CPQ: variants seen among roughly 807,000 people sequenced by gnomAD.
The protein encoded by CPQ is Ser-Met dipeptidase.
In CPQ, 37 loss-of-function variants were observed where a neutral mutation model predicts 45.7. The ratio of observed to expected loss-of-function variants is 0.81; its 90% CI spans 0.62 to 1.07. The LOEUF is 1.07. Ranked by LOEUF, CPQ falls within the 50% of genes least tolerant of loss-of-function variation. The pLI is 0.00. For missense variants in CPQ, 537 were observed against 572.9 expected (o/e 0.94, Z 0.64); for synonymous variants, 186 against 205.8 (o/e 0.90, Z 0.82).
intron 5 of CPQ, among the ~76,000 whole-genome samples, chr8:97,013,404 T>G (rs1809524713): frequency 6.6e-6 from 1 of 152,230 alleles, no homozygotes; most frequent in Non-Finnish European, 1.5e-5. Context: ...CTTAAAATTC[T>G]GTTACACGTG....
rs151068384 is a variant in CPQ, at chr8:96,751,421, T to C, written c.-34-33443T>C. ...AGCTTTTTTTAATATACTTGTTGGT[T>C]GCATGAATGTCTTCTTTTGAGAAGT... On this transcript the variant is annotated intron_variant, in intron 1 of 7. Coordinates refer to ENST00000220763, the MANE Select transcript of CPQ (RefSeq NM_016134.4). Among the ~76,000 whole-genome samples the C allele has an allele frequency of 4.7e-3, 723 of 152,328 alleles. 11 individuals carry two copies. Among genetic ancestry groups the C allele is most frequent in the African/African-American group, 0.012 (510 of 41,580 alleles).
chr8:97,082,819 C>G (rs1008870704), intron 7 of CPQ, among the ~76,000 whole-genome samples: 2 of 152,178 alleles, frequency 1.3e-5, no homozygotes, highest in African/African-American at 4.8e-5. Context: ...CTTACCCATA[C>G]AAGTGAGAAG....
chr8:97,088,404 G>A (rs962539299), intron 7 of CPQ, among the ~76,000 whole-genome samples: 1 of 152,088 alleles, frequency 6.6e-6, no homozygotes, highest in Non-Finnish European at 1.5e-5. Context: ...ATGTTGTTTG[G>A]TTCTATATAC....
chr8:97,034,816 C>T (rs1809968237), intron 6 of CPQ, among the ~76,000 whole-genome samples: 1 of 151,956 alleles, frequency 6.6e-6, no homozygotes, highest in South Asian at 2.1e-4. Context: ...AATCCTGAGT[C>T]TGACGTCTTT....
At chr8:96,765,270 A>G (rs1810452773) in intron 1 of CPQ, among the ~76,000 whole-genome samples, 1 of 152,230 alleles carries the variant, frequency 6.6e-6, no homozygotes, top group Non-Finnish European at 1.5e-5. Context: ...CTGCTGGAGC[A>G]GGTTTGCAGG....
intron 1 of CPQ, among the ~76,000 whole-genome samples, chr8:96,772,426 A>G (rs965758347): frequency 6.6e-6 from 1 of 152,058 alleles, no homozygotes; most frequent in African/African-American, 2.4e-5. Context: ...TTGACGGGGT[A>G]TGGATGTATT....
chr8:96,890,747 C>A (rs1368138038), intron 4 of CPQ, among the ~76,000 whole-genome samples: 1 of 152,180 alleles, frequency 6.6e-6, no homozygotes, highest in East Asian at 1.9e-4. Context: ...GTTGTGCCTC[C>A]TGGCAACATT....
chr8:96,878,302 A>G (rs1812175515), intron 3 of CPQ, among the ~76,000 whole-genome samples: 1 of 152,212 alleles, frequency 6.6e-6, no homozygotes, highest in South Asian at 2.1e-4. Flanking sequence ...TAGAGGGTAT[A>G]CTCAGATGGT....
rs111748827 is a variant in CPQ, at chr8:96,667,638, C to T, written c.-35+22236C>T. ...TGCTAGGATTACAGGTGTGAGCCAC[C>T]GCACCTGGCCTTATCTCCTTTTCTA... On this transcript the variant is annotated intron_variant, in intron 1 of 7. Transcript: ENST00000220763. Among the ~76,000 whole-genome samples, 664 of 152,120 alleles carry T rather than the reference C, an allele frequency of 4.4e-3. 2 individuals are homozygous for T. The highest frequency in any genetic ancestry group is 6.2e-3 in the Admixed American group (94 of 15,284).
chr8:96,936,332 C>T (rs775582977), intron 4 of CPQ, among the ~76,000 whole-genome samples: 7 of 152,118 alleles, frequency 4.6e-5, no homozygotes, highest in Non-Finnish European at 8.8e-5. Context: ...TGTTTCAATT[C>T]CTAATGTTCT....
intron 4 of CPQ, among the ~76,000 whole-genome samples, chr8:96,929,597 A>G (rs1472307818): frequency 6.6e-6 from 1 of 152,196 alleles, no homozygotes; most frequent in Non-Finnish European, 1.5e-5. Flanking sequence ...AGCATTGCTC[A>G]AAACATGGCT....
chr8:97,104,010 G>GCCT (rs1811360097), intron 7 of CPQ, among the ~76,000 whole-genome samples: 2 of 152,126 alleles, frequency 1.3e-5, no homozygotes, highest in South Asian at 4.1e-4. Flanking sequence ...TACTAGAAAG[G>GCCT]CCTCTCTGAA....
intron 5 of CPQ, among the ~76,000 whole-genome samples, chr8:97,009,531 T>C (rs1280217810): frequency 6.6e-6 from 1 of 152,192 alleles, no homozygotes; most frequent in Non-Finnish European, 1.5e-5. Context: ...GACAGTGCTG[T>C]TTATGGTCAC....
At chr8:96,822,312 A>G (rs1038375974) in intron 2 of CPQ, among the ~76,000 whole-genome samples, 1 of 151,988 alleles carries the variant, frequency 6.6e-6, no homozygotes, top group Non-Finnish European at 1.5e-5. Context: ...ACTGATGGAC[A>G]CTTAGGTTGA....
At chr8:96,837,429 C>T (rs965085765) in intron 3 of CPQ, among the ~76,000 whole-genome samples, 2 of 152,212 alleles carry the variant, frequency 1.3e-5, no homozygotes, top group Non-Finnish European at 2.9e-5. Flanking sequence ...TTATGAAGCA[C>T]TTGCCTCCAT....
rs1487979454 is a variant in CPQ, at chr8:96,729,190, T to C, written c.-34-55674T>C. Reference sequence around the variant, plus strand: ...TAACTGAGATGGGGTGGAACCTCCATGGCCATGGTGGAACTCTGTGACTGT... The same window carrying C: ...TAACTGAGATGGGGTGGAACCTCCACGGCCATGGTGGAACTCTGTGACTGT... On this transcript the variant is annotated intron_variant, in intron 1 of 7. Transcript: ENST00000220763. Among the ~76,000 whole-genome samples the C allele has an allele frequency of 2.6e-5, 4 of 152,318 alleles. No homozygotes were observed. The East Asian group carries it at 7.7e-4, about 29-fold the overall frequency.
intron 3 of CPQ, among the ~76,000 whole-genome samples, chr8:96,870,661 G>T (rs1812055492): frequency 6.6e-6 from 1 of 151,964 alleles, no homozygotes; most frequent in Non-Finnish European, 1.5e-5. Flanking sequence ...TCACAGGGTT[G>T]TAATAACTGG....
chr8:97,045,620 A>G (rs1488125612), intron 6 of CPQ, among the ~76,000 whole-genome samples: 1 of 152,204 alleles, frequency 6.6e-6, no homozygotes, highest in African/African-American at 2.4e-5. Flanking sequence ...GTTCCTATTC[A>G]GCCATCTTGG....
chr8:97,068,768 A>C (rs572199061), intron 7 of CPQ, among the ~76,000 whole-genome samples: 1 of 152,356 alleles, frequency 6.6e-6, no homozygotes, highest in Admixed American at 6.5e-5. Context: ...TACAATTATC[A>C]TGATCCCTAT....
Sources: gnomAD v4.1 joint callset for allele counts (sites outside exome capture counted in the v4.1 genomes callset) on GRCh38, gnomAD v4.1.1 for gene constraint, MANE v1.5 for transcripts, NCBI Gene and HGNC (gene_info 2026-07-23, HGNC 2026-07-21) for gene names.